ERI3: variants seen among roughly 807,000 people sequenced by gnomAD.
ERI3 encodes the protein ERI1 exoribonuclease family member 3, also known as ERI1 exoribonuclease 3.
Under a neutral mutation model 44.4 loss-of-function variants are expected in ERI3, and 18 were observed. The ratio of observed to expected loss-of-function variants is 0.41; its 90% CI spans 0.28 to 0.60. The LOEUF (loss-of-function observed/expected upper bound fraction) is 0.60. Ranked by LOEUF, ERI3 falls within the 20% of genes least tolerant of loss-of-function variation. The pLI, the probability that ERI3 is intolerant of heterozygous loss-of-function variation, is 0.36. For missense variants in ERI3, 294 were observed against 435.5 expected (o/e 0.68, Z 2.89); for synonymous variants, 183 against 164.8 (o/e 1.11, Z -0.84).
chr1:44,355,000 G>T lies in ERI3; in HGVS notation c.27C>A (p.Asp9Glu). 1.4e-6 allele frequency: 2 copies of T among 1,381,970 alleles called. No homozygotes were observed. Among genetic ancestry groups the T allele is most frequent in the African/African-American group, 1.5e-5 (1 of 66,972 alleles). The allele number at this position is 1,381,970 out of a possible 1,614,324, so 85.6% of individuals were successfully genotyped here. The stretch of plus-strand genomic sequence containing the variant: ...CTTCCCAGGGCCGCCCCCGCCCCCC[G>T]TCAGCAGCGGGAGAGGCTGTCGCCA... The part of the protein sequence containing the change: MATASPAA[D>E]GGRGRPWEGG... The change falls in exon 1 of 9, where the codon GAC becomes GAA. Residue 9 changes from aspartate to glutamate, a missense_variant. Around this residue, in one of 2 missense-constraint regions of ERI3, gnomAD observed 107 missense variants for 96.9 expected, o/e 1.10. Transcript: ENST00000372257.
In ERI3 at chr1:44,305,042, T is replaced by C. The variant is rs1255450485; in HGVS notation, c.758+3268A>G. ...TCCACCAGAGAACAGCATCTGATTATCCTACCCTCTCCAAAGGGGCCTCTT... is the reference window on the plus strand; with the variant it reads ...TCCACCAGAGAACAGCATCTGATTACCCTACCCTCTCCAAAGGGGCCTCTT... On this transcript the variant is annotated intron_variant, in intron 6 of 8. Coordinates refer to ENST00000372257, the MANE Select transcript of ERI3 (RefSeq NM_024066.3). Among the ~76,000 whole-genome samples, 3 of 152,138 alleles carry C rather than the reference T, an allele frequency of 2.0e-5. No individual in the cohort carries two copies. In the East Asian group the frequency reaches 5.8e-4, roughly 29 times the overall value.
chr1:44,311,326 T>G (rs1370082344), intron 5 of ERI3, among the ~76,000 whole-genome samples: 1 of 152,062 alleles, frequency 6.6e-6, no homozygotes, highest in East Asian at 1.9e-4. Flanking sequence ...AGTGAGCACC[T>G]TTTACCATGA....
intron 7 of ERI3, among the ~76,000 whole-genome samples, chr1:44,273,238 T>G (rs911282365): frequency 5.3e-5 from 8 of 152,236 alleles, no homozygotes; most frequent in Admixed American, 4.6e-4. Context: ...CTAATGCAGT[T>G]TCCAGCAAAG....
At chr1:44,286,152 T>G (rs1028993402) in intron 6 of ERI3, among the ~76,000 whole-genome samples, 3 of 152,228 alleles carry the variant, frequency 2.0e-5, no homozygotes, top group Non-Finnish European at 4.4e-5. Context: ...AGAGCCTATG[T>G]GACATCTGGA....
intron 8 of ERI3, among the ~76,000 whole-genome samples, chr1:44,226,547 G>A (rs957258180): frequency 6.6e-6 from 1 of 152,084 alleles, no homozygotes; most frequent in African/African-American, 2.4e-5. Context: ...GGGGGAAGTG[G>A]ATGGAGGTAA....
At chr1:44,273,192 T>G (rs547620412) in intron 7 of ERI3, among the ~76,000 whole-genome samples, 46 of 152,330 alleles carry the variant, frequency 3.0e-4, no homozygotes, top group Non-Finnish European at 5.9e-4. Context: ...GGAGGCACAA[T>G]CCCTTCTGGG....
At chr1:44,253,828 G>A (rs1302007940) in intron 7 of ERI3, among the ~76,000 whole-genome samples, 1 of 152,130 alleles carries the variant, frequency 6.6e-6, no homozygotes, top group Non-Finnish European at 1.5e-5. Flanking sequence ...CAGCCAGCCC[G>A]CAACTGCTCT....
Position 44,355,159 on chromosome 1 carries a change from C to T in ERI3, c.-133G>A. On this transcript the variant is annotated 5_prime_UTR_variant, in exon 1 of 9. Coordinates refer to ENST00000372257, the MANE Select transcript of ERI3 (RefSeq NM_024066.3). ...CGGCCCGCGCCGACTGCGGCGCCGG[C>T]CAGGCAGAGGCAGGGCCAGCTCCGC... The T allele has an allele frequency of 8.2e-7, 1 of 1,216,990 alleles. No individual in the cohort carries two copies. 75.4% of individuals were successfully genotyped at this position (1,216,990 alleles called of 1,614,324 possible). A position where few individuals can be genotyped will look rare whatever the true frequency, so the allele number is the denominator to read the frequency against.
chr1:44,335,550 G>A (rs954770774), intron 3 of ERI3, among the ~76,000 whole-genome samples: 2 of 151,812 alleles, frequency 1.3e-5, no homozygotes, highest in Non-Finnish European at 2.9e-5. Flanking sequence ...ACCTGAGGTG[G>A]GGAGTTCAAG....
chr1:44,256,700 A>G (rs2154319311), intron 7 of ERI3: 1 of 152,386 alleles, frequency 6.6e-6, no homozygotes, highest in Middle Eastern at 3.4e-3. Context: ...CCACAGGTCT[A>G]AGTCCCACAG....
intron 7 of ERI3, among the ~76,000 whole-genome samples, chr1:44,253,879 C>T (rs1644731352): frequency 2.6e-5 from 4 of 152,182 alleles, no homozygotes. Flanking sequence ...ACTATATAAC[C>T]ACACAAGAGA....
At chr1:44,284,724 G>T (rs1199965974) in intron 7 of ERI3, 111 bp downstream of exon 7, 4 of 793,728 alleles carry the variant, frequency 5.0e-6, no homozygotes, top group Non-Finnish European at 8.4e-6. Flanking sequence ...GAAAAGAGAA[G>T]AACAAAAAGA....
At chr1:44,247,187 T>C (rs1190980206) in intron 8 of ERI3, among the ~76,000 whole-genome samples, 1 of 152,138 alleles carries the variant, frequency 6.6e-6, no homozygotes, top group Non-Finnish European at 1.5e-5. Flanking sequence ...TGTATAATCA[T>C]GGATACATTA....
chr1:44,244,195 A>G (rs914963778), intron 8 of ERI3: 2 of 152,960 alleles, frequency 1.3e-5, no homozygotes, highest in Admixed American at 6.5e-5. Flanking sequence ...GACAGAGACC[A>G]TCGGCAGCCC....
chr1:44,243,494 T>C (rs1399496792), intron 8 of ERI3: 1 of 152,196 alleles, frequency 6.6e-6, no homozygotes, highest in Non-Finnish European at 1.5e-5. Flanking sequence ...TCATTACCTC[T>C]GACAAATTAT....
intron 7 of ERI3, among the ~76,000 whole-genome samples, chr1:44,258,033 C>T (rs1249849578): frequency 2.6e-5 from 4 of 152,206 alleles, no homozygotes; most frequent in African/African-American, 7.2e-5. Flanking sequence ...TCCCACCCCC[C>T]TTCCTGATAC....
chr1:44,293,271 G>A (rs1572205409), intron 6 of ERI3, among the ~76,000 whole-genome samples: 1 of 152,276 alleles, frequency 6.6e-6, no homozygotes, highest in Non-Finnish European at 1.5e-5. Flanking sequence ...GCATGATGCT[G>A]GAGGGAGCTG....
rs1645956900 is a variant in ERI3 at position 44,310,968 on chromosome 1, CA to C, written c.666+2200del. On this transcript the variant is annotated intron_variant, in intron 5 of 8. Transcript: ENST00000372257. ...TGTGCACATCGCGCGCGCGCGCACA[CA>C]CACACACACACACACACACACACAC... 8.1e-4 allele frequency among the ~76,000 whole-genome samples: 20 copies of C among 24,702 alleles called. No individual in the cohort carries two copies. In the Admixed American group the frequency reaches 0.01, roughly 12 times the overall value. The allele number at this position is 24,702 out of a possible 152,430, so 16.2% of individuals were successfully genotyped here. A position where few individuals can be genotyped will look rare whatever the true frequency, so the allele number is the denominator to read the frequency against.
At chr1:44,306,737 T>C (rs1019069652) in intron 6 of ERI3, among the ~76,000 whole-genome samples, 4 of 152,224 alleles carry the variant, frequency 2.6e-5, no homozygotes, top group Admixed American at 6.5e-5. Flanking sequence ...TGTCTGTGTT[T>C]GGAAGGTGAA....
Sources: gnomAD v4.1 joint callset for allele counts (sites outside exome capture counted in the v4.1 genomes callset) on GRCh38, gnomAD v4.1.1 for gene constraint, gnomAD v4.1.1 regional missense constraint, MANE v1.5 for transcripts, NCBI Gene and HGNC (gene_info 2026-07-23, HGNC 2026-07-21) for gene names.